The following FHL1 variants were observed in gnomAD, a reference collection of about 807,000 sequenced individuals.
The protein encoded by FHL1 is four and a half LIM domains protein 1.
In FHL1, 1 loss-of-function variant was observed where a neutral mutation model predicts 20.3. That is an observed-to-expected ratio of 0.05 (90% confidence interval 0.02 to 0.23). FHL1 has a LOEUF of 0.23. Among genes scored for constraint, FHL1 ranks in the 10% least tolerant of loss-of-function variants. FHL1 has a pLI of 1.00. For synonymous variants in FHL1, 82 were observed against 88.9 expected (o/e 0.92, Z 0.44); for missense variants, 177 against 234.0 (o/e 0.76, Z 1.59).
rs764595951 is a variant in FHL1 at position 136,206,606 on chromosome X, G to A, written c.204+18G>A. The A allele has an allele frequency of 2.5e-6, 3 of 1,211,322 alleles. No homozygotes were observed. The highest frequency in any genetic ancestry group is 1.8e-5 in the South Asian group (1 of 57,028). ...ACTCCAAGGTAACGGGCATCCCCAT[G>A]TGCCAATGGGAAGGGCTGGGTTTTG... is the stretch of plus-strand genomic sequence containing the variant. On this transcript the variant is annotated intron_variant, in intron 2 of 5. Transcript: ENST00000370683.
At chrX:136,193,990 CTG>C (rs2073495281), upstream of FHL1, among the ~76,000 whole-genome samples, 2 of 109,419 alleles carry the variant, frequency 1.8e-5, no homozygotes, top group African/African-American at 6.7e-5. Context: ...TGAACACGTC[CTG>C]TGTTTTTCTC....
In FHL1 at chrX:136,211,185, G is replaced by T. The variant is rs2746; in HGVS notation, c.*1160G>T. ...CTTACTGTATTCTACATTATTATAT[G>T]ACATAGTATAATGAGACAATATCAA... is the stretch of plus-strand genomic sequence containing the variant. On this transcript the variant is annotated 3_prime_UTR_variant, in exon 6 of 6. Coordinates refer to ENST00000370683, the MANE Select transcript of FHL1 (RefSeq NM_001159699.2). The T allele has an allele frequency of 2.2e-5, 8 of 365,374 alleles. No individual in the cohort carries two copies. The highest frequency in any genetic ancestry group is 1.5e-4 in the Admixed American group (5 of 33,241). The allele number at this position is 365,374 out of a possible 1,213,427, so 30.1% of individuals were successfully genotyped here.
intron 1 of FHL1, among the ~76,000 whole-genome samples, chrX:136,164,564 G>C (rs920932702): frequency 4.5e-5 from 5 of 111,156 alleles, no homozygotes; most frequent in Non-Finnish European, 9.4e-5. Context: ...GTCCCTTTAT[G>C]TTTTTCCCCA....
At chrX:136,180,311 C>G (rs1030861830) in intron 2 of FHL1, among the ~76,000 whole-genome samples, 2 of 112,025 alleles carry the variant, frequency 1.8e-5, no homozygotes, top group African/African-American at 6.5e-5. Context: ...TGAATGAAAT[C>G]AAAGAATTGG....
chrX:136,209,517 C>T (rs2073947731), intron 5 of FHL1: 1 of 1,043,351 alleles, frequency 9.6e-7, no homozygotes, highest in Non-Finnish European at 1.3e-6. Context: ...TGACCTAAAT[C>T]AAAGAAACTG....
At chrX:136,173,649 C>T (rs2072927875) in intron 2 of FHL1, among the ~76,000 whole-genome samples, 1 of 110,868 alleles carries the variant, frequency 9.0e-6, no homozygotes, top group Admixed American at 9.6e-5. Flanking sequence ...AGCCCTCACT[C>T]CTGTTTGGCT....
intron 2 of FHL1, among the ~76,000 whole-genome samples, chrX:136,175,713 G>A (rs969821981): frequency 2.7e-5 from 3 of 112,037 alleles, no homozygotes; most frequent in Non-Finnish European, 5.6e-5. Context: ...GTATAATACA[G>A]TCTTACTAAA....
At chrX:136,206,631 G>C (rs751884450) in intron 2 of FHL1, 43 bp downstream of exon 2, 24 of 1,199,481 alleles carry the variant, frequency 2.0e-5, no homozygotes, top group Non-Finnish European at 2.7e-5. Flanking sequence ...GCTGGGTTTT[G>C]GAGTGTCCTT....
intron 3 of FHL1, 128 bp from the exon 4 acceptor site, chrX:136,207,664 G>T (rs1172895709): frequency 5.8e-6 from 4 of 691,904 alleles, no homozygotes; most frequent in Non-Finnish European, 6.7e-6. Context: ...AGGTTAGTTG[G>T]AGGTGTGAGG....
intron 4 of FHL1, 100 bp from the exon 5 acceptor site, chrX:136,208,355 A>G: frequency 1.1e-6 from 1 of 872,809 alleles, no homozygotes. Context: ...ATTAAATGAG[A>G]TATTGTATAC....
chrX:136,207,542 T>C (rs1189272597), intron 3 of FHL1: 2 of 430,136 alleles, frequency 4.6e-6, no homozygotes, highest in African/African-American at 5.0e-5. Flanking sequence ...GCACGCAGGG[T>C]ATAGAGGTGG....
chrX:136,178,510 C>G (rs2073064036), intron 2 of FHL1, among the ~76,000 whole-genome samples: 1 of 110,764 alleles, frequency 9.0e-6, no homozygotes, highest in East Asian at 2.8e-4. Flanking sequence ...GCATGAGAAT[C>G]GCTTGATCCC....
upstream of FHL1, among the ~76,000 whole-genome samples, chrX:136,165,633 A>G (rs2072691295): frequency 8.9e-6 from 1 of 112,163 alleles, no homozygotes; most frequent in Non-Finnish European, 1.9e-5. Context: ...GAGAGGAGAC[A>G]ATGAGTCTGT....
At chrX:136,152,019 T>C (rs1006905515) in intron 1 of FHL1, among the ~76,000 whole-genome samples, 3 of 112,039 alleles carry the variant, frequency 2.7e-5, no homozygotes, top group Non-Finnish European at 5.6e-5. Flanking sequence ...AAATCTTATG[T>C]AACAAAATGA....
chrX:136,190,686 A>T (rs948248253), intron 2 of FHL1, among the ~76,000 whole-genome samples: 1 of 111,653 alleles, frequency 9.0e-6, no homozygotes, highest in Non-Finnish European at 1.9e-5. Flanking sequence ...ATATAAAGTC[A>T]AGGGATAACA....
chrX:136,209,089 T>C (rs2073935178), intron 5 of FHL1: 4 of 472,075 alleles, frequency 8.5e-6, no homozygotes, highest in South Asian at 7.3e-5. Context: ...TGGTTTGCTG[T>C]TTATTTGTTT....
intron 3 of FHL1, 179 bp from the exon 4 acceptor site, chrX:136,207,613 C>T: frequency 4.0e-6 from 2 of 500,372 alleles, no homozygotes; most frequent in South Asian, 3.1e-5. Flanking sequence ...CCACCCATGA[C>T]AGAAATCCTG....
At chrX:136,178,300 T>TA (rs2073057362) in intron 2 of FHL1, among the ~76,000 whole-genome samples, 1 of 112,091 alleles carries the variant, frequency 8.9e-6, no homozygotes, top group African/African-American at 3.2e-5. Flanking sequence ...CAATTTAAAA[T>TA]AAAAAGGAGG....
intron 1 of FHL1, among the ~76,000 whole-genome samples, chrX:136,162,113 A>G (rs1449282822): frequency 1.5e-5 from 1 of 65,173 alleles, no homozygotes; most frequent in Non-Finnish European, 2.9e-5. Context: ...ACAGAGAGAG[A>G]CCCTGTCTCA....
Sources: allele counts gnomAD v4.1 joint callset (sites outside exome capture counted in the v4.1 genomes callset), GRCh38; gene constraint gnomAD v4.1.1; transcripts MANE v1.5; gene names NCBI Gene and HGNC (gene_info 2026-07-23, HGNC 2026-07-21).